CREB5: variants seen among roughly 807,000 people sequenced by gnomAD.
CREB5 encodes the protein cAMP responsive element binding protein 5.
CREB5 carries 19 observed loss-of-function variants against 57.1 expected under a neutral mutation model. The ratio of observed to expected loss-of-function variants is 0.33; its 90% confidence interval spans 0.23 to 0.49. The LOEUF (loss-of-function observed/expected upper bound fraction) is 0.49, where lower values mean the gene tolerates loss of function less well. CREB5 is among the 20% of genes least tolerant of loss of function. The pLI is 0.99. For synonymous variants in CREB5, 238 were observed against 238.3 expected (o/e 1.00, Z 0.01); for missense variants, 579 against 671.6 (o/e 0.86, Z 1.52).
At chr7:28,345,652 T>G (rs1786044016) in intron 1 of CREB5, among the ~76,000 whole-genome samples, 1 of 152,178 alleles carries the variant, frequency 6.6e-6, no homozygotes, top group African/African-American at 2.4e-5. Flanking sequence ...GGGCAGGAGT[T>G]AGCAATATCT....
intron 4 of CREB5, among the ~76,000 whole-genome samples, chr7:28,508,053 C>T (rs538216297): frequency 8.5e-5 from 13 of 152,192 alleles, no homozygotes; most frequent in Admixed American, 5.2e-4. Context: ...AGAGAACAGG[C>T]GAGTAATCTT....
intron 1 of CREB5, among the ~76,000 whole-genome samples, chr7:28,445,694 G>A (rs1352136859): frequency 6.6e-6 from 1 of 152,056 alleles, no homozygotes; most frequent in Non-Finnish European, 1.5e-5. Flanking sequence ...TGGGACTACA[G>A]GCGCCCGCCA....
At chr7:28,363,101 G>T (rs1786522812) in intron 1 of CREB5, among the ~76,000 whole-genome samples, 1 of 152,120 alleles carries the variant, frequency 6.6e-6, no homozygotes, top group Non-Finnish European at 1.5e-5. Context: ...ATTTAAAAAA[G>T]GAAAGAATTA....
At chr7:28,589,814 G>A (rs1370118880) in intron 5 of CREB5, among the ~76,000 whole-genome samples, 1 of 152,070 alleles carries the variant, frequency 6.6e-6, no homozygotes, top group Non-Finnish European at 1.5e-5. Flanking sequence ...ATTTATTCAA[G>A]TGAGGAAGGA....
intron 7 of CREB5, 84 bp from the exon 8 acceptor site, chr7:28,804,115 A>G: frequency 7.8e-7 from 1 of 1,284,130 alleles, no homozygotes; most frequent in Non-Finnish European, 1.1e-6. Flanking sequence ...AGAATTGAAA[A>G]TGTGAGTCAT....
At chr7:28,731,628 G>C (rs1215627395) in intron 7 of CREB5, among the ~76,000 whole-genome samples, 1 of 152,244 alleles carries the variant, frequency 6.6e-6, no homozygotes, top group Admixed American at 6.5e-5. Flanking sequence ...ATTTTCAAGT[G>C]TGTTGAACTT....
At chr7:28,624,144 A>G (rs1797906777) in intron 5 of CREB5, among the ~76,000 whole-genome samples, 1 of 152,244 alleles carries the variant, frequency 6.6e-6, no homozygotes, top group Non-Finnish European at 1.5e-5. Context: ...ACACAGACCA[A>G]TAAGTAAGTG....
intron 5 of CREB5, among the ~76,000 whole-genome samples, chr7:28,643,947 TGTGTACCTATA>T (rs1798790021): frequency 6.6e-6 from 1 of 151,886 alleles, no homozygotes. Flanking sequence ...GGCATGGTGG[TGTGTACCTATA>T]GTCCAGCTGC....
chr7:28,628,857 T>G (rs1798100086), intron 5 of CREB5, among the ~76,000 whole-genome samples: 1 of 152,166 alleles, frequency 6.6e-6, no homozygotes, highest in Non-Finnish European at 1.5e-5. Context: ...TGAACTACAG[T>G]CTAGCTGGGG....
intron 1 of CREB5, among the ~76,000 whole-genome samples, chr7:28,390,651 A>G (rs535810706): frequency 5.9e-5 from 9 of 152,220 alleles, no homozygotes; most frequent in African/African-American, 1.9e-4. Context: ...TTTCTTTTTT[A>G]CCATCTCTGT....
intron 5 of CREB5, among the ~76,000 whole-genome samples, chr7:28,715,269 A>G (rs1309593792): frequency 1.3e-5 from 2 of 152,204 alleles, no homozygotes; most frequent in Non-Finnish European, 2.9e-5. Context: ...CAAGTTGAGT[A>G]TAAGCCCCGT....
chr7:28,687,234 G>A (rs1000654969), intron 5 of CREB5, among the ~76,000 whole-genome samples: 1 of 152,018 alleles, frequency 6.6e-6, no homozygotes, highest in Admixed American at 6.6e-5. Flanking sequence ...AATTAATCCG[G>A]TGCTATCTTT....
chr7:28,618,725 C>T (rs1206161373), intron 5 of CREB5, among the ~76,000 whole-genome samples: 1 of 152,180 alleles, frequency 6.6e-6, no homozygotes, highest in African/African-American at 2.4e-5. Context: ...GGGTGAACAC[C>T]CACCCCTGGC....
chr7:28,677,775 G>A (rs530115806), intron 5 of CREB5, among the ~76,000 whole-genome samples: 4 of 152,156 alleles, frequency 2.6e-5, no homozygotes, highest in Admixed American at 6.5e-5. Flanking sequence ...CTACGTGGGA[G>A]GCTGACGTGG....
At chr7:28,475,110 C>T (rs1791002813) in intron 1 of CREB5, among the ~76,000 whole-genome samples, 1 of 152,154 alleles carries the variant, frequency 6.6e-6, no homozygotes, top group African/African-American at 2.4e-5. Context: ...CTCCCCGGTG[C>T]CCCAAGTTAG....
intron 5 of CREB5, among the ~76,000 whole-genome samples, chr7:28,585,120 G>C (rs370984716): frequency 1.3e-5 from 2 of 152,144 alleles, no homozygotes; most frequent in African/African-American, 2.4e-5. Flanking sequence ...CTTTAGCCTC[G>C]AATGTTCTGC....
chr7:28,504,813 C>G (rs1792414016), intron 3 of CREB5, among the ~76,000 whole-genome samples: 1 of 152,100 alleles, frequency 6.6e-6, no homozygotes, highest in African/African-American at 2.4e-5. Context: ...TTGGGGATTT[C>G]TTTGACAAGA....
chr7:28,824,676 A>G lies in CREB5; in HGVS notation c.*5397A>G, dbSNP rs1053093927. The G allele has an allele frequency of 6.6e-6, 1 of 152,638 alleles. No homozygotes were observed. Among genetic ancestry groups the G allele is most frequent in the Admixed American group, 6.5e-5 (1 of 15,276 alleles). 9.5% of individuals were successfully genotyped at this position (152,638 alleles called of 1,614,324 possible). On this transcript the variant is annotated 3_prime_UTR_variant, in exon 11 of 11. Coordinates refer to ENST00000357727, the MANE Select transcript of CREB5 (RefSeq NM_182898.4). ...GAATGTCCATTCAAAATATTTTACT[A>G]TTTCTTGTGGAGTTTTTCAGTGATG...
At chr7:28,606,133 G>A (rs1207048704) in intron 5 of CREB5, among the ~76,000 whole-genome samples, 1 of 152,050 alleles carries the variant, frequency 6.6e-6, no homozygotes, top group African/African-American at 2.4e-5. Context: ...CAGAGAAAAT[G>A]GTTGTGGTAA....
Sources: gnomAD v4.1 joint callset for allele counts (sites outside exome capture counted in the v4.1 genomes callset) on GRCh38, gnomAD v4.1.1 for gene constraint, MANE v1.5 for transcripts, NCBI Gene and HGNC (gene_info 2026-07-23, HGNC 2026-07-21) for gene names.